The following KDM6A variants were observed in gnomAD, a reference collection of about 807,000 sequenced individuals.
The protein encoded by KDM6A is lysine-specific demethylase 6A.
Under a neutral mutation model 117.6 loss-of-function variants are expected in KDM6A, and 11 were observed. The ratio of observed to expected loss-of-function variants is 0.09; its 90% CI spans 0.06 to 0.15. The LOEUF (loss-of-function observed/expected upper bound fraction) is 0.15, where lower values mean the gene tolerates loss of function less well. Among genes scored for constraint, KDM6A ranks in the 10% least tolerant of loss-of-function variants. KDM6A has a pLI of 1.00. For missense variants in KDM6A, 799 were observed against 1,077.3 expected (o/e 0.74, Z 3.62); for synonymous variants, 384 against 396.1 (o/e 0.97, Z 0.36).
chrX:44,939,964 A>C (rs986512606), intron 2 of KDM6A, among the ~76,000 whole-genome samples: 5 of 112,629 alleles, frequency 4.4e-5, no homozygotes, highest in African/African-American at 1.6e-4. Flanking sequence ...AAACCAAAAA[A>C]TTCATGTGAC....
chrX:45,054,132 G>T (rs770657383), intron 10 of KDM6A, among the ~76,000 whole-genome samples, 177 bp downstream of exon 10: 6 of 111,965 alleles, frequency 5.4e-5, no homozygotes, highest in African/African-American at 1.9e-4. Flanking sequence ...AAATATGGTG[G>T]TTTTTTTATA....
At position 44,873,347 on chromosome X, in the gene KDM6A, G is replaced by A; in HGVS notation, c.-205G>A. 1 of 447,216 alleles carries A rather than the reference G, an allele frequency of 2.2e-6. No individual in the cohort carries two copies. The highest frequency in any genetic ancestry group is 3.5e-6 in the Non-Finnish European group (1 of 283,226). 36.9% of individuals were successfully genotyped at this position (447,216 alleles called of 1,213,427 possible). On this transcript the variant is annotated 5_prime_UTR_variant, in exon 1 of 30. Transcript: ENST00000611820. ...CCTACAGCCGAAAGCCGCCGCTGCC[G>A]ACCCGGGGGCTCCGCAGCCCCTGCC...
intron 4 of KDM6A, among the ~76,000 whole-genome samples, chrX:45,006,505 C>G (rs188168384): frequency 9.1e-6 from 1 of 110,490 alleles, no homozygotes; most frequent in African/African-American, 3.3e-5. Flanking sequence ...ACACGTAGCC[C>G]CTACTGCTGT....
At position 44,974,726 on chromosome X, in the gene KDM6A, A is replaced by G; in HGVS notation, c.384+11A>G. 8.7e-7 allele frequency: 1 copy of G among 1,148,510 alleles called. No individual in the cohort carries two copies. The highest frequency in any genetic ancestry group is 2.2e-5 in the Admixed American group (1 of 45,978). The allele number at this position is 1,148,510 out of a possible 1,213,427, so 94.7% of individuals were successfully genotyped here. A position where few individuals can be genotyped will look rare whatever the true frequency, so the allele number is the denominator to read the frequency against. On this transcript the variant is annotated intron_variant, in intron 4 of 29. Coordinates refer to ENST00000611820, the MANE Select transcript of KDM6A (RefSeq NM_001291415.2). The stretch of plus-strand genomic sequence containing the variant: ...TCTGACTACTGGAAGGTTAGTGTAC[A>G]TTTGCATGCTGATTTCATGTTTGTG...
intron 2 of KDM6A, among the ~76,000 whole-genome samples, chrX:44,955,013 A>G (rs146354598): frequency 0.011 from 1,230 of 111,708 alleles, 18 homozygotes; most frequent in African/African-American, 0.039. Flanking sequence ...CTGTTAATGA[A>G]AAGGAAAGTT....
chrX:44,919,984 T>G (rs942527704), intron 2 of KDM6A, among the ~76,000 whole-genome samples: 3 of 112,116 alleles, frequency 2.7e-5, no homozygotes, highest in African/African-American at 9.7e-5. Flanking sequence ...TCCAGATATT[T>G]GGGGGGATTT....
chrX:45,068,663 T>C (rs1202960190), intron 17 of KDM6A, among the ~76,000 whole-genome samples: 1 of 107,958 alleles, frequency 9.3e-6, no homozygotes, highest in Non-Finnish European at 1.9e-5. Context: ...ACTCCTGGGC[T>C]CAAGAGATCC....
intron 3 of KDM6A, among the ~76,000 whole-genome samples, chrX:44,963,527 C>A (rs1257630802): frequency 1.9e-5 from 2 of 105,155 alleles, no homozygotes; most frequent in Non-Finnish European, 3.9e-5. Context: ...CTCTGTCTCT[C>A]TCTGTGTCTC....
In KDM6A at chrX:44,873,551, C is replaced by T. The variant is rs2031052297; in HGVS notation, c.-1C>T. 8.3e-7 allele frequency: 1 copy of T among 1,210,074 alleles called. No homozygotes were observed. Among genetic ancestry groups the T allele is most frequent in the African/African-American group, 1.7e-5 (1 of 57,749 alleles). ...TGGAGTTGTGAATTCGCTGCGTTTC[C>T]ATGAAATCCTGCGGAGTGTCGCTCG... On this transcript the variant is annotated 5_prime_UTR_variant, in exon 1 of 30. Coordinates refer to ENST00000611820, the MANE Select transcript of KDM6A (RefSeq NM_001291415.2).
At chrX:44,988,547 A>G (rs2040380721) in intron 4 of KDM6A, among the ~76,000 whole-genome samples, 1 of 109,625 alleles carries the variant, frequency 9.1e-6, no homozygotes, top group Non-Finnish European at 1.9e-5. Flanking sequence ...GGTTTTATCT[A>G]CCTTTGTTTT....
chrX:45,082,213 T>A (rs1161959229), intron 21 of KDM6A, among the ~76,000 whole-genome samples: 1 of 110,541 alleles, frequency 9.0e-6, no homozygotes, highest in Non-Finnish European at 1.9e-5. Context: ...CTGAGGCCGG[T>A]AGACAGCTTG....
chrX:44,957,591 G>T (rs889708120), intron 2 of KDM6A, among the ~76,000 whole-genome samples: 1 of 111,710 alleles, frequency 9.0e-6, no homozygotes, highest in African/African-American at 3.3e-5. Flanking sequence ...CACTATGATG[G>T]AAATAAAAAA....
chrX:45,020,798 AAT>A, intron 6 of KDM6A, 68 bp downstream of exon 6: 1 of 1,112,553 alleles, frequency 9.0e-7, no homozygotes, highest in South Asian at 1.9e-5. Flanking sequence ...GTTTTTCTTA[AAT>A]ATTAGAGCAT....
At chrX:44,995,783 A>T (rs1602498973) in intron 4 of KDM6A, among the ~76,000 whole-genome samples, 2 of 111,853 alleles carry the variant, frequency 1.8e-5, no homozygotes, top group African/African-American at 6.5e-5. Context: ...GGATACTTTT[A>T]AAAAATCCTT....
At chrX:45,075,164 C>T (rs1032819825) in intron 18 of KDM6A, among the ~76,000 whole-genome samples, 1 of 111,711 alleles carries the variant, frequency 9.0e-6, no homozygotes, top group African/African-American at 3.2e-5. Context: ...GTGGCAGATA[C>T]ACAATTCAGC....
chrX:45,091,166 A>G (rs2045879030), intron 27 of KDM6A, among the ~76,000 whole-genome samples: 2 of 111,581 alleles, frequency 1.8e-5, no homozygotes, highest in Admixed American at 1.9e-4. Flanking sequence ...ATGAAAATCT[A>G]CCATTAATAA....
intron 6 of KDM6A, among the ~76,000 whole-genome samples, chrX:45,022,587 A>G (rs1037918706): frequency 1.8e-5 from 2 of 111,907 alleles, no homozygotes; most frequent in African/African-American, 6.5e-5. Context: ...ATTTTAGTTT[A>G]TTACTAAAGT....
At chrX:44,946,081 G>A (rs2037614089) in intron 2 of KDM6A, among the ~76,000 whole-genome samples, 1 of 112,328 alleles carries the variant, frequency 8.9e-6, no homozygotes, top group African/African-American at 3.2e-5. Context: ...GCCATTTGTG[G>A]ATCACAGTGG....
chrX:45,047,737 G>A (rs2043634782), intron 8 of KDM6A, among the ~76,000 whole-genome samples: 1 of 77,776 alleles, frequency 1.3e-5, no homozygotes, highest in Non-Finnish European at 2.3e-5. Context: ...AGGCTGGAGT[G>A]CAATGGCATA....
Sources: allele counts gnomAD v4.1 joint callset (sites outside exome capture counted in the v4.1 genomes callset), GRCh38; gene constraint gnomAD v4.1.1; transcripts MANE v1.5; gene names NCBI Gene and HGNC (gene_info 2026-07-23, HGNC 2026-07-21).